MCTP1: variants seen among roughly 807,000 people sequenced by gnomAD.
The protein encoded by MCTP1 is multiple C2 and transmembrane domain containing 1.
A neutral mutation model predicts 120.6 loss-of-function variants in MCTP1; 69 were observed. The observed-to-expected ratio is 0.57, with a 90% CI of 0.47 to 0.70. The LOEUF (loss-of-function observed/expected upper bound fraction) is 0.70. Among genes scored for constraint, MCTP1 ranks in the 30% least tolerant of loss-of-function variants. The pLI, the probability that MCTP1 is intolerant of heterozygous loss-of-function variation, is 0.00. For synonymous variants in MCTP1, 529 were observed against 493.1 expected (o/e 1.07, Z -0.96); for missense variants, 1,203 against 1,248.8 (o/e 0.96, Z 0.55).
chr5:94,831,164 C>T (rs1367267752), intron 17 of MCTP1, among the ~76,000 whole-genome samples: 1 of 152,104 alleles, frequency 6.6e-6, no homozygotes, highest in Non-Finnish European at 1.5e-5. Context: ...TGCCGCATTG[C>T]CAATAGATTG....
chr5:95,188,014 C>T (rs1316968970), intron 1 of MCTP1, among the ~76,000 whole-genome samples: 1 of 151,902 alleles, frequency 6.6e-6, no homozygotes, highest in East Asian at 1.9e-4. Context: ...TGTACGCACA[C>T]AATTAAAAAT....
intron 1 of MCTP1, among the ~76,000 whole-genome samples, chr5:95,256,008 C>G (rs942190942): frequency 2.0e-5 from 3 of 152,128 alleles, no homozygotes; most frequent in Non-Finnish European, 4.4e-5. Flanking sequence ...AAATAAAGGG[C>G]TAAATATCAT....
At position 95,285,078 on chromosome 5, in the gene MCTP1, C is replaced by G. The variant is rs1760638061; in HGVS notation, c.-503G>C. 6.6e-6 allele frequency among the ~76,000 whole-genome samples: 1 copy of G among 152,196 alleles called. No homozygotes were observed. The highest frequency in any genetic ancestry group is 2.1e-4 in the South Asian group (1 of 4,834). ...CCAAATTGGGCGCGCACGCGGCTCA[C>G]ACAACAAGGCGCGTCTGGCTGGAGA... is the stretch of plus-strand genomic sequence containing the variant. On this transcript the variant is annotated 5_prime_UTR_variant, in exon 1 of 23. Transcript: ENST00000515393.
chr5:94,788,958 G>T (rs2152977531), intron 18 of MCTP1: 1 of 152,362 alleles, frequency 6.6e-6, no homozygotes, highest in South Asian at 2.1e-4. Context: ...TGGATCCATG[G>T]AAGGATTTGA....
intron 7 of MCTP1, among the ~76,000 whole-genome samples, chr5:94,922,615 A>G (rs1489862827): frequency 6.6e-6 from 1 of 151,868 alleles, no homozygotes; most frequent in Non-Finnish European, 1.5e-5. Context: ...CAGCCTCCTG[A>G]GTAGCTGGGA....
At chr5:95,250,416 T>C (rs924226827) in intron 1 of MCTP1, among the ~76,000 whole-genome samples, 1 of 152,184 alleles carries the variant, frequency 6.6e-6, no homozygotes, top group Non-Finnish European at 1.5e-5. Flanking sequence ...TGTGTCAGTA[T>C]ACATGAAACT....
chr5:95,089,984 C>T (rs570559708), intron 1 of MCTP1, among the ~76,000 whole-genome samples: 1 of 152,334 alleles, frequency 6.6e-6, no homozygotes, highest in East Asian at 1.9e-4. Flanking sequence ...GCCCCACACT[C>T]AGGCCTCTCC....
At chr5:95,062,646 T>C (rs1324735367) in intron 1 of MCTP1, among the ~76,000 whole-genome samples, 1 of 152,170 alleles carries the variant, frequency 6.6e-6, no homozygotes, top group Non-Finnish European at 1.5e-5. Context: ...ATCTGCATTA[T>C]TTAATTTCAG....
chr5:94,938,443 C>T (rs756977788), intron 5 of MCTP1, among the ~76,000 whole-genome samples: 4 of 152,092 alleles, frequency 2.6e-5, no homozygotes, highest in African/African-American at 9.6e-5. Context: ...GTGTTGTCTC[C>T]TCTGCTTTAA....
chr5:94,763,079 ATTTG>A (rs1454286565), intron 19 of MCTP1, among the ~76,000 whole-genome samples: 1 of 152,094 alleles, frequency 6.6e-6, no homozygotes, highest in Non-Finnish European at 1.5e-5. Context: ...AATCTCTCAA[ATTTG>A]TTTCTTTCTA....
At chr5:95,151,702 A>C (rs1327102886) in intron 1 of MCTP1, among the ~76,000 whole-genome samples, 7 of 152,162 alleles carry the variant, frequency 4.6e-5, no homozygotes, top group Non-Finnish European at 1.0e-4. Context: ...TTCCTCTCTG[A>C]CTTTGCTATT....
intron 1 of MCTP1, among the ~76,000 whole-genome samples, chr5:95,197,557 T>C (rs1043567015): frequency 6.6e-6 from 1 of 152,162 alleles, no homozygotes; most frequent in African/African-American, 2.4e-5. Context: ...GTAAGATCTC[T>C]ACGACATATT....
At chr5:95,174,397 AG>A (rs1747727714) in intron 1 of MCTP1, among the ~76,000 whole-genome samples, 1 of 152,230 alleles carries the variant, frequency 6.6e-6, no homozygotes, top group Admixed American at 6.5e-5. Flanking sequence ...CCATATGCAA[AG>A]AATGAGAAAT....
chr5:95,095,377 A>T (rs1247053909), intron 1 of MCTP1, among the ~76,000 whole-genome samples: 1 of 152,182 alleles, frequency 6.6e-6, no homozygotes, highest in African/African-American at 2.4e-5. Context: ...GGTGCTTAGT[A>T]AACAGAGGGC....
rs545133915 is a variant in MCTP1 at position 95,074,728 on chromosome 5, G to A, written c.721-57244C>T. 2.0e-4 allele frequency among the ~76,000 whole-genome samples: 31 copies of A among 152,268 alleles called. 1 individual carries two copies. Among genetic ancestry groups the A allele is most frequent in the Non-Finnish European group, 4.1e-4 (28 of 68,024 alleles). On this transcript the variant is annotated intron_variant, in intron 1 of 22. Coordinates refer to ENST00000515393, the MANE Select transcript of MCTP1 (RefSeq NM_024717.7). Reference sequence around the variant, plus strand: ...TTCTAGGTAGAATCTATGGTTCTACGTAGGGCGTAAAATATGTCCTTCCAA... The same window carrying A: ...TTCTAGGTAGAATCTATGGTTCTACATAGGGCGTAAAATATGTCCTTCCAA...
chr5:94,925,990 A>G (rs1316864326), intron 6 of MCTP1, among the ~76,000 whole-genome samples: 1 of 152,224 alleles, frequency 6.6e-6, no homozygotes, highest in Non-Finnish European at 1.5e-5. Context: ...ACCAGATTTT[A>G]GAGTAAAAAA....
chr5:95,280,186 T>A (rs924530078), intron 1 of MCTP1, among the ~76,000 whole-genome samples: 28 of 152,058 alleles, frequency 1.8e-4, no homozygotes, highest in African/African-American at 6.3e-4. Flanking sequence ...TTGTAGAAAA[T>A]TTTTTTTCCA....
At chr5:95,031,515 A>T (rs1840288032) in intron 1 of MCTP1, among the ~76,000 whole-genome samples, 1 of 152,166 alleles carries the variant, frequency 6.6e-6, no homozygotes, top group Non-Finnish European at 1.5e-5. Flanking sequence ...CCAGCCAAGA[A>T]TTTCACGTCC....
intron 1 of MCTP1, among the ~76,000 whole-genome samples, chr5:95,084,672 G>A (rs1483753523): frequency 1.3e-5 from 2 of 151,990 alleles, no homozygotes; most frequent in East Asian, 1.9e-4. Flanking sequence ...TTTAGTCTTG[G>A]ATCAGAGTAA....
Sources: allele counts gnomAD v4.1 joint callset (sites outside exome capture counted in the v4.1 genomes callset), GRCh38; gene constraint gnomAD v4.1.1; transcripts MANE v1.5; gene names NCBI Gene and HGNC (gene_info 2026-07-23, HGNC 2026-07-21).